EYA3: variants seen among roughly 807,000 people sequenced by gnomAD.
The protein encoded by EYA3 is EYA transcriptional coactivator and phosphatase 3, also known as protein phosphatase EYA3.
A neutral mutation model predicts 80.0 loss-of-function variants in EYA3; 39 were observed. The observed-to-expected ratio is 0.49, with a 90% CI of 0.38 to 0.64. EYA3 has a LOEUF of 0.64. Ranked by LOEUF, EYA3 falls within the 30% of genes least tolerant of loss-of-function variation. The pLI is 0.00. For missense variants in EYA3, 523 were observed against 676.1 expected (o/e 0.77, Z 2.51); for synonymous variants, 206 against 232.8 (o/e 0.88, Z 1.05).
chr1:27,994,355 T>C (rs573706307), intron 13 of EYA3, among the ~76,000 whole-genome samples: 1 of 152,286 alleles, frequency 6.6e-6, no homozygotes, highest in East Asian at 1.9e-4. Context: ...TTTCAGATGA[T>C]TAGAGCTCTA....
intron 11 of EYA3, 68 bp downstream of exon 11, chr1:28,004,268 T>C (rs1641109253): frequency 3.7e-6 from 4 of 1,069,764 alleles, no homozygotes; most frequent in Admixed American, 2.2e-5. Context: ...TAATTTGTTA[T>C]GTGTCAGAAG....
At position 27,975,923 on chromosome 1, in the gene EYA3, G is replaced by A. The variant is rs183857843; in HGVS notation, c.1642-1377C>T. Among the ~76,000 whole-genome samples the A allele has an allele frequency of 1.4e-3, 218 of 152,234 alleles. 1 individual carries two copies. Among genetic ancestry groups the A allele is most frequent in the African/African-American group, 4.8e-3 (201 of 41,550 alleles). Reference sequence around the variant, plus strand: ...CAGGTTTAGGTGATTCTCATGTGGAGGCCATATTTTAAAGGAGGGCTTTGA... The same window carrying A: ...CAGGTTTAGGTGATTCTCATGTGGAAGCCATATTTTAAAGGAGGGCTTTGA... On this transcript the variant is annotated intron_variant, in intron 17 of 17. Transcript: ENST00000373871.
intron 2 of EYA3, among the ~76,000 whole-genome samples, chr1:28,053,132 T>TGACA (rs1165083567): frequency 9.7e-6 from 1 of 103,120 alleles, no homozygotes; most frequent in African/African-American, 4.1e-5. Context: ...CCAGTCTGGG[T>TGACA]GACAAAATGA....
In EYA3 at chr1:28,027,931, A is replaced by C. The variant is rs762103097; in HGVS notation, c.362-5T>G. ...TCATACCTGGCCACAATGCACCTGA[A>C]TCAGATAAATTGGACCAATTACAAA... is the stretch of plus-strand genomic sequence containing the variant. On this transcript the variant is annotated splice_polypyrimidine_tract_variant and splice_region_variant and intron_variant, in intron 6 of 17. Coordinates refer to ENST00000373871, the MANE Select transcript of EYA3 (RefSeq NM_001990.4). 16 of 1,614,000 alleles carry C rather than the reference A, an allele frequency of 9.9e-6. No homozygotes were observed. In the Admixed American group the frequency reaches 1.8e-4, roughly 18 times the overall value.
At chr1:28,037,211 G>C (rs953107293) in intron 5 of EYA3, among the ~76,000 whole-genome samples, 3 of 152,194 alleles carry the variant, frequency 2.0e-5, no homozygotes, top group Non-Finnish European at 4.4e-5. Context: ...TTTAGAAAGG[G>C]AGGAGAAACT....
chr1:27,996,851 T>G (rs1640493319), intron 13 of EYA3, among the ~76,000 whole-genome samples: 6 of 152,356 alleles, frequency 3.9e-5, no homozygotes. Flanking sequence ...ATTTTGCCAC[T>G]GAGATCTCCT....
intron 16 of EYA3, among the ~76,000 whole-genome samples, chr1:27,984,518 C>T (rs2148713496): frequency 6.6e-6 from 1 of 152,068 alleles, no homozygotes; most frequent in African/African-American, 2.4e-5. Context: ...TTTTAATCTA[C>T]CTGTAATTTA....
At position 27,993,431 on chromosome 1, in the gene EYA3, T is replaced by A. The variant is rs1352280800; in HGVS notation, c.1272A>T (p.Glu424Asp). 3 of 1,613,670 alleles carry A rather than the reference T, an allele frequency of 1.9e-6. No individual in the cohort carries two copies. The highest frequency in any genetic ancestry group is 2.5e-6 in the Non-Finnish European group (3 of 1,179,814). Residue 424 changes from glutamate to aspartate, a missense_variant, in exon 14 of 18, where the codon GAA becomes GAT. Transcript: ENST00000373871. The part of the protein sequence containing the change: ...KLAFRYRKVR[E>D]IYDKHKSNVG... Reference sequence around the variant, plus strand: ...CGTTGCTTTTATGCTTATCATAGATTTCTCTCACTTTCCGGTAGCGGAAAG... The same window carrying A: ...CGTTGCTTTTATGCTTATCATAGATATCTCTCACTTTCCGGTAGCGGAAAG...
intron 16 of EYA3, among the ~76,000 whole-genome samples, chr1:27,979,830 T>C (rs925181706): frequency 6.6e-6 from 1 of 152,198 alleles, no homozygotes; most frequent in African/African-American, 2.4e-5. Context: ...AAAATCACTG[T>C]AATATATAAA....
chr1:28,084,652 A>G (rs1645586186), intron 1 of EYA3, among the ~76,000 whole-genome samples: 1 of 111,654 alleles, frequency 9.0e-6, no homozygotes, highest in South Asian at 3.4e-4. Context: ...TCTGTCGCCT[A>G]GGGTGGAGTG....
At chr1:28,035,481 G>C (rs1477874623) in intron 6 of EYA3, 63 bp downstream of exon 6, 1 of 1,578,250 alleles carries the variant, frequency 6.3e-7, no homozygotes, top group Non-Finnish European at 8.6e-7. Flanking sequence ...ATGCATGGCT[G>C]ATCAAAGTTT....
chr1:28,080,002 A>G (rs1259284930), intron 1 of EYA3, among the ~76,000 whole-genome samples: 2 of 152,180 alleles, frequency 1.3e-5, no homozygotes, highest in African/African-American at 4.8e-5. Flanking sequence ...AAATTTTGCA[A>G]ACTGCAGGTA....
intron 7 of EYA3, among the ~76,000 whole-genome samples, chr1:28,018,566 C>G (rs779330748): frequency 8.5e-5 from 13 of 152,196 alleles, no homozygotes; most frequent in Non-Finnish European, 1.5e-4. Context: ...AAGAAAACTT[C>G]CATTGAGAAC....
At chr1:28,072,697 T>A (rs754406956) in intron 1 of EYA3, among the ~76,000 whole-genome samples, 2 of 152,118 alleles carry the variant, frequency 1.3e-5, no homozygotes, top group Non-Finnish European at 2.9e-5. Flanking sequence ...AACATACACT[T>A]ACTATACAAT....
intron 7 of EYA3, among the ~76,000 whole-genome samples, chr1:28,023,344 T>C (rs560760711): frequency 6.6e-6 from 1 of 152,302 alleles, no homozygotes; most frequent in Non-Finnish European, 1.5e-5. Context: ...AGGGGCAGCA[T>C]GATTCCTTAA....
At chr1:28,045,327 C>T (rs1470844799) in intron 3 of EYA3, among the ~76,000 whole-genome samples, 1 of 151,948 alleles carries the variant, frequency 6.6e-6, no homozygotes, top group Non-Finnish European at 1.5e-5. Flanking sequence ...ACTTCTGGAC[C>T]CCATCTCACA....
intron 1 of EYA3, among the ~76,000 whole-genome samples, chr1:28,058,919 A>G (rs1322418892): frequency 6.6e-6 from 1 of 152,244 alleles, no homozygotes; most frequent in Admixed American, 6.5e-5. Context: ...CTCCATTTCT[A>G]TCTAACAAAA....
chr1:28,045,825 G>A lies in EYA3; in HGVS notation c.77+2558C>T, dbSNP rs140471044. Among the ~76,000 whole-genome samples, 14 of 152,152 alleles carry A rather than the reference G, an allele frequency of 9.2e-5. No individual in the cohort carries two copies. The East Asian group carries it at 2.7e-3, about 29-fold the overall frequency. On this transcript the variant is annotated intron_variant, in intron 3 of 17. Coordinates refer to ENST00000373871, the MANE Select transcript of EYA3 (RefSeq NM_001990.4). ...CCAACAACATCCAAGTCCATAAAGT[G>A]GCACAACAAATACCTCCTTCTCATT...
intron 2 of EYA3, among the ~76,000 whole-genome samples, chr1:28,050,152 A>AAC (rs1644183273): frequency 6.6e-6 from 1 of 151,134 alleles, no homozygotes; most frequent in African/African-American, 2.4e-5. Flanking sequence ...GTCCTGGAGC[A>AAC]ACATTTTTAA....
Sources: gnomAD v4.1 joint callset for allele counts (sites outside exome capture counted in the v4.1 genomes callset) on GRCh38, gnomAD v4.1.1 for gene constraint, MANE v1.5 for transcripts, NCBI Gene and HGNC (gene_info 2026-07-23, HGNC 2026-07-21) for gene names.